PTPRD: variants seen among roughly 807,000 people sequenced by gnomAD.
PTPRD encodes protein tyrosine phosphatase receptor type D, also known as receptor-type tyrosine-protein phosphatase delta.
PTPRD carries 34 observed loss-of-function variants against 214.5 expected under a neutral mutation model. That is an observed-to-expected ratio of 0.16 (90% confidence interval 0.12 to 0.21). PTPRD has a LOEUF of 0.21. PTPRD is among the 10% of genes least tolerant of loss of function. The pLI is 1.00. For synonymous variants in PTPRD, 1,128 were observed against 845.7 expected (o/e 1.33, Z -5.79); for missense variants, 2,545 against 2,398.7 (o/e 1.06, Z -1.27).
chr9:10,079,253 G>A (rs60357083), intron 3 of PTPRD, among the ~76,000 whole-genome samples: 2,107 of 152,160 alleles, frequency 0.014, 51 homozygotes, highest in African/African-American at 0.046. Flanking sequence ...AGGCTGATCT[G>A]ATCCAGACGG....
chr9:10,199,437 C>G (rs2099410932), intron 3 of PTPRD, among the ~76,000 whole-genome samples: 1 of 151,972 alleles, frequency 6.6e-6, no homozygotes, highest in Non-Finnish European at 1.5e-5. Flanking sequence ...ACCTGCCCAC[C>G]TCTGTTCTTT....
Position 9,118,027 on chromosome 9 carries a change from C to T in PTPRD, c.-143+65277G>A, listed in dbSNP as rs561378503. Reference sequence around the variant, plus strand: ...TAGACAGGGACATGCAAGTGAGGGACCTGAAGCACAACTGAAGCATAAACT... The same window carrying T: ...TAGACAGGGACATGCAAGTGAGGGATCTGAAGCACAACTGAAGCATAAACT... On this transcript the variant is annotated intron_variant, in intron 10 of 45. Transcript: ENST00000381196. Among the ~76,000 whole-genome samples the T allele has an allele frequency of 4.6e-5, 7 of 152,190 alleles. No homozygotes were observed. The South Asian group carries it at 1.5e-3, about 32-fold the overall frequency.
chr9:10,102,150 T>C (rs552377075), intron 3 of PTPRD, among the ~76,000 whole-genome samples: 1 of 151,838 alleles, frequency 6.6e-6, no homozygotes, highest in Admixed American at 6.6e-5. Flanking sequence ...TCCCCCACAT[T>C]GATTACATGA....
intron 7 of PTPRD, among the ~76,000 whole-genome samples, chr9:9,601,886 T>C (rs964165164): frequency 6.6e-6 from 1 of 152,062 alleles, no homozygotes; most frequent in Admixed American, 6.6e-5. Flanking sequence ...TTAAAGTCTT[T>C]GGGGTGAGCA....
At chr9:8,496,171 AACAC>A (rs566859758) in intron 26 of PTPRD, among the ~76,000 whole-genome samples, 23,336 of 134,846 alleles carry the variant, frequency 0.17, 2,036 homozygotes, top group Middle Eastern at 0.22. Flanking sequence ...CCAACTCTCC[AACAC>A]ACACACACAC....
chr9:10,203,633 A>T (rs2099445623), intron 3 of PTPRD, among the ~76,000 whole-genome samples: 1 of 152,168 alleles, frequency 6.6e-6, no homozygotes, highest in African/African-American at 2.4e-5. Context: ...TCCATCATTT[A>T]TTCCACTATT....
intron 2 of PTPRD, among the ~76,000 whole-genome samples, chr9:10,412,814 A>C (rs2098450933): frequency 6.6e-6 from 1 of 151,958 alleles, no homozygotes; most frequent in African/African-American, 2.4e-5. Flanking sequence ...ACGTACACAA[A>C]TCAATAAAAG....
intron 8 of PTPRD, among the ~76,000 whole-genome samples, chr9:9,519,137 A>G (rs760481543): frequency 6.6e-6 from 1 of 152,066 alleles, no homozygotes; most frequent in African/African-American, 2.4e-5. Flanking sequence ...ATGAAAATGT[A>G]TAAATATTTT....
At chr9:8,888,157 G>T (rs1036176196) in intron 11 of PTPRD, among the ~76,000 whole-genome samples, 3 of 152,122 alleles carry the variant, frequency 2.0e-5, no homozygotes, top group Non-Finnish European at 4.4e-5. Flanking sequence ...TACACAAAAT[G>T]ACAAGCATAC....
chr9:10,432,811 G>A (rs1307722020), intron 2 of PTPRD, among the ~76,000 whole-genome samples: 1 of 151,960 alleles, frequency 6.6e-6, no homozygotes, highest in African/African-American at 2.4e-5. Flanking sequence ...CTATATGAAT[G>A]CTGGGACCAA....
chr9:9,524,227 A>G (rs1231051877), intron 8 of PTPRD, among the ~76,000 whole-genome samples: 3 of 152,006 alleles, frequency 2.0e-5, no homozygotes, highest in Non-Finnish European at 4.4e-5. Context: ...TGAAAGCTGT[A>G]TTAGGGCTTC....
chr9:8,332,640 C>A (rs1048203689), intron 43 of PTPRD, among the ~76,000 whole-genome samples: 5 of 139,998 alleles, frequency 3.6e-5, no homozygotes, highest in African/African-American at 1.6e-4. Context: ...AAAGAAGACA[C>A]TAAGGCATTT....
chr9:10,129,440 G>T (rs2098842634), intron 3 of PTPRD, among the ~76,000 whole-genome samples: 1 of 150,880 alleles, frequency 6.6e-6, no homozygotes, highest in South Asian at 2.1e-4. Context: ...TGACATGATT[G>T]ACCACTCTCT....
chr9:10,187,227 T>C (rs181627113), intron 3 of PTPRD, among the ~76,000 whole-genome samples: 4 of 152,272 alleles, frequency 2.6e-5, no homozygotes, highest in Admixed American at 2.6e-4. Flanking sequence ...CAACACAGCA[T>C]CGTGTGTGAA....
At chr9:9,235,310 G>A (rs994659984) in intron 9 of PTPRD, among the ~76,000 whole-genome samples, 2 of 152,244 alleles carry the variant, frequency 1.3e-5, no homozygotes, top group East Asian at 3.9e-4. Flanking sequence ...TGGGAACTAC[G>A]ATTCAAGATG....
At chr9:8,734,336 T>G (rs1037061626) in intron 11 of PTPRD, among the ~76,000 whole-genome samples, 6 of 152,220 alleles carry the variant, frequency 3.9e-5, no homozygotes, top group Non-Finnish European at 7.3e-5. Context: ...GAGAAAGATT[T>G]AAGAGAAGTT....
rs569924140 is a variant in PTPRD, at chr9:9,074,349, T to C, written c.-142-55614A>G. On this transcript the variant is annotated intron_variant, in intron 10 of 45. Transcript: ENST00000381196. The stretch of plus-strand genomic sequence containing the variant: ...AAAACACAATTTGTAAAAATGATCA[T>C]TGATAATGAAAATGCTTTAGGATTG... Among the ~76,000 whole-genome samples the C allele has an allele frequency of 9.9e-5, 15 of 152,222 alleles. No individual in the cohort carries two copies. In the South Asian group the frequency reaches 2.5e-3, roughly 25 times the overall value.
At position 10,375,771 on chromosome 9, in the gene PTPRD, A is replaced by G. The variant is rs146935379; in HGVS notation, c.-599-34754T>C. 3.9e-3 allele frequency among the ~76,000 whole-genome samples: 592 copies of G among 152,092 alleles called. 3 individuals carry two copies. The highest frequency in any genetic ancestry group is 5.2e-3 in the Non-Finnish European group (356 of 67,920). On this transcript the variant is annotated intron_variant, in intron 2 of 45. Transcript: ENST00000381196. ...ATCTGGAAAACCTTTGAGATTTTTT[A>G]CCAAGTGACTCTGAAAATCTTGGGT... is the stretch of plus-strand genomic sequence containing the variant.
chr9:8,553,994 C>T (rs2082918341), intron 14 of PTPRD, among the ~76,000 whole-genome samples: 1 of 152,122 alleles, frequency 6.6e-6, no homozygotes, highest in Non-Finnish European at 1.5e-5. Flanking sequence ...CGAGACTAGC[C>T]TGGCCAACAT....
Sources: gnomAD v4.1 joint callset for allele counts (sites outside exome capture counted in the v4.1 genomes callset) on GRCh38, gnomAD v4.1.1 for gene constraint, MANE v1.5 for transcripts, NCBI Gene and HGNC (gene_info 2026-07-23, HGNC 2026-07-21) for gene names.